AXDND1: variants seen among roughly 807,000 people sequenced by gnomAD.
AXDND1 encodes the protein axonemal dynein light chain domain-containing protein 1.
A neutral mutation model predicts 137.5 loss-of-function variants in AXDND1; 110 were observed. The ratio of observed to expected loss-of-function variants is 0.80; its 90% CI spans 0.69 to 0.94. The LOEUF (loss-of-function observed/expected upper bound fraction) is 0.94. Ranked by LOEUF, AXDND1 falls within the 40% of genes least tolerant of loss-of-function variation. The probability of loss-of-function intolerance (pLI) is 0.00; values close to 1 mark genes in which losing one functional copy is unlikely to be tolerated. For synonymous variants in AXDND1, 414 were observed against 399.7 expected (o/e 1.04, Z -0.43); for missense variants, 1,191 against 1,169.8 (o/e 1.02, Z -0.26).
chr1:179,525,405 G>A lies in AXDND1; in HGVS notation c.2568G>A (p.Glu856=). 6.2e-7 allele frequency: 1 copy of A among 1,611,986 alleles called. No homozygotes were observed. Residue 856 remains glutamate (E), a synonymous_variant, in exon 22 of 26, where the codon GAG becomes GAA. Transcript: ENST00000367618. ...SFKEDEEESK[E]DRKLQEENKE... ...AAGAAGATGAAGAAGAAAGTAAGGA[G>A]GATAGGAAACTTCAGGAGGAAAATA...
At chr1:179,506,012 G>T (rs1228480293) in intron 20 of AXDND1, among the ~76,000 whole-genome samples, 1 of 152,184 alleles carries the variant, frequency 6.6e-6, no homozygotes, top group Non-Finnish European at 1.5e-5. Flanking sequence ...AGAATTCCTT[G>T]TTATAAGGCT....
chr1:179,438,908 G>C (rs1658596276), intron 15 of AXDND1, among the ~76,000 whole-genome samples: 1 of 152,020 alleles, frequency 6.6e-6, no homozygotes, highest in African/African-American at 2.4e-5. Context: ...ATCGTCTCTT[G>C]AATTGGTCCT....
chr1:179,395,553 CT>C (rs907303970), intron 11 of AXDND1, among the ~76,000 whole-genome samples: 4 of 152,140 alleles, frequency 2.6e-5, no homozygotes, highest in African/African-American at 9.7e-5. Context: ...AGTCACTTAA[CT>C]TTTCTGGGCC....
At chr1:179,448,519 C>T (rs1660053230) in intron 16 of AXDND1, 6 of 343,498 alleles carry the variant, frequency 1.7e-5, no homozygotes, top group South Asian at 2.8e-5. Flanking sequence ...CGTAATGCAT[C>T]GTACAGCTTC....
At chr1:179,512,920 A>G (rs1467134219) in intron 21 of AXDND1, among the ~76,000 whole-genome samples, 5 of 152,164 alleles carry the variant, frequency 3.3e-5, no homozygotes, top group African/African-American at 4.8e-5. Context: ...TTGTATCCGG[A>G]AACTTTGCTG....
In AXDND1 at chr1:179,551,290, G is replaced by A. The variant is rs1673228791; in HGVS notation, c.3032-3222G>A. On this transcript the variant is annotated intron_variant, in intron 25 of 25. Coordinates refer to ENST00000367618, the MANE Select transcript of AXDND1 (RefSeq NM_144696.6). ...TGGGAGAAGACAGGCAATTCAGTAG[G>A]TCAAATGGCAAAGGTAAAACCACAG... 1.9e-6 allele frequency: 3 copies of A among 1,614,012 alleles called. No individual in the cohort carries two copies. Among genetic ancestry groups the A allele is most frequent in the Non-Finnish European group, 1.7e-6 (2 of 1,180,016 alleles).
rs1027149152 is a variant in AXDND1, at chr1:179,445,274, A to G, written c.1798+70A>G. 8 of 1,074,742 alleles carry G rather than the reference A, an allele frequency of 7.4e-6. No individual in the cohort carries two copies. The African/African-American group carries it at 9.6e-5, about 13-fold the overall frequency. 66.6% of individuals were successfully genotyped at this position (1,074,742 alleles called of 1,614,324 possible). On this transcript the variant is annotated intron_variant, in intron 16 of 25. Transcript: ENST00000367618. Reference sequence around the variant, plus strand: ...TTCCACAATAATTATTTTCAATACAATGAATATTTAAAATAAAAGTAATAA... The same window carrying G: ...TTCCACAATAATTATTTTCAATACAGTGAATATTTAAAATAAAAGTAATAA...
At chr1:179,497,309 A>C (rs1667539310) in intron 20 of AXDND1, among the ~76,000 whole-genome samples, 1 of 152,064 alleles carries the variant, frequency 6.6e-6, no homozygotes, top group Non-Finnish European at 1.5e-5. Context: ...ATTTTCTTGG[A>C]GTTCTATCAG....
intron 23 of AXDND1, among the ~76,000 whole-genome samples, chr1:179,528,641 C>CT (rs34531104): frequency 0.39 from 44,967 of 115,190 alleles, 10,506 homozygotes; most frequent in South Asian, 0.61. Context: ...CTTTAAACCT[C>CT]TTTTTTTTTT....
intron 15 of AXDND1, among the ~76,000 whole-genome samples, chr1:179,442,869 AAAGAC>A (rs1659195571): frequency 6.6e-6 from 1 of 152,206 alleles, no homozygotes; most frequent in African/African-American, 2.4e-5. Flanking sequence ...CGTGGGAATA[AAAGAC>A]AAGAGACAAA....
intron 11 of AXDND1, among the ~76,000 whole-genome samples, chr1:179,400,761 C>T (rs565889637): frequency 3.8e-4 from 57 of 150,918 alleles, no homozygotes; most frequent in African/African-American, 8.5e-4. Context: ...AAAAATTAGC[C>T]GGGCATGGTG....
At position 179,429,589 on chromosome 1, in the gene AXDND1, T is replaced by C; in HGVS notation, c.1302T>C (p.Thr434=). The change falls in exon 13 of 26, where the codon ACT becomes ACC. Residue 434 remains threonine (T), a synonymous_variant. Coordinates refer to ENST00000367618, the MANE Select transcript of AXDND1 (RefSeq NM_144696.6). ...YLNEKGWNKY[T]KHFIILLSNK... Reference sequence around the variant, plus strand: ...ATGAAAAAGGCTGGAATAAATACACTAAGCATTTCATCATACTGCTATCAA... The same window carrying C: ...ATGAAAAAGGCTGGAATAAATACACCAAGCATTTCATCATACTGCTATCAA... 6.3e-7 allele frequency: 1 copy of C among 1,577,334 alleles called. No homozygotes were observed. The highest frequency in any genetic ancestry group is 8.6e-7 in the Non-Finnish European group (1 of 1,165,436).
rs750428628 is a variant in AXDND1 at position 179,509,289 on chromosome 1, T to C, written c.2389-7T>C. The C allele has an allele frequency of 1.3e-6, 2 of 1,585,706 alleles. No individual in the cohort carries two copies. Among genetic ancestry groups the C allele is most frequent in the Admixed American group, 3.4e-5 (2 of 58,094 alleles). ...TTTTCTGCTTGTAATCTTTTATCTCTTCTCAGAAAGAATGTTATGAATGGA... is the reference window on the plus strand; with the variant it reads ...TTTTCTGCTTGTAATCTTTTATCTCCTCTCAGAAAGAATGTTATGAATGGA... On this transcript the variant is annotated splice_region_variant and splice_polypyrimidine_tract_variant and intron_variant, in intron 20 of 25. Transcript: ENST00000367618.
intron 16 of AXDND1, among the ~76,000 whole-genome samples, chr1:179,460,402 A>G (rs1479273206): frequency 6.6e-6 from 1 of 152,180 alleles, no homozygotes. Flanking sequence ...GCTGCATAGT[A>G]TTCCATGGTG....
At chr1:179,372,448 T>C (rs975640285) in intron 4 of AXDND1, among the ~76,000 whole-genome samples, 1 of 152,152 alleles carries the variant, frequency 6.6e-6, no homozygotes, top group African/African-American at 2.4e-5. Flanking sequence ...CAACCAATGA[T>C]GATTTGAAGA....
chr1:179,399,881 AC>A, intron 11 of AXDND1, among the ~76,000 whole-genome samples: 1 of 152,352 alleles, frequency 6.6e-6, no homozygotes, highest in African/African-American at 2.4e-5. Context: ...ATGCAGTACC[AC>A]CTTACTCCTG....
At chr1:179,497,442 A>G (rs72704439) in intron 20 of AXDND1, among the ~76,000 whole-genome samples, 6,966 of 152,210 alleles carry the variant, frequency 0.046, 239 homozygotes, top group Non-Finnish European at 0.069. Flanking sequence ...AAAAGCTTTC[A>G]ATAAAATCCA....
chr1:179,517,993 A>T (rs540726851), intron 21 of AXDND1, among the ~76,000 whole-genome samples: 11 of 152,308 alleles, frequency 7.2e-5, no homozygotes, highest in African/African-American at 2.2e-4. Flanking sequence ...CTTCTCTTTT[A>T]TCTGATGATG....
intron 9 of AXDND1, among the ~76,000 whole-genome samples, chr1:179,391,680 G>A (rs565226063): frequency 9.9e-5 from 15 of 152,080 alleles, no homozygotes; most frequent in Admixed American, 5.9e-4. Context: ...AGGATTACAA[G>A]TATGCATTAC....
Sources: allele counts gnomAD v4.1 joint callset (sites outside exome capture counted in the v4.1 genomes callset), GRCh38; gene constraint gnomAD v4.1.1; transcripts MANE v1.5; gene names NCBI Gene and HGNC (gene_info 2026-07-23, HGNC 2026-07-21).